Variants in CPNE5 observed in about 807,000 individuals in gnomAD.
The protein encoded by CPNE5 is copine-5.
CPNE5 carries 42 observed loss-of-function variants against 81.1 expected under a neutral mutation model. The observed-to-expected ratio is 0.52, with a 90% CI of 0.40 to 0.67. CPNE5 has a LOEUF of 0.67. Among genes scored for constraint, CPNE5 ranks in the 30% least tolerant of loss-of-function variants. The pLI is 0.00. For missense variants in CPNE5, 612 were observed against 815.5 expected, an observed-to-expected ratio of 0.75 and a Z score of 3.04; for synonymous variants, 313 against 321.5, an observed-to-expected ratio of 0.97 and a Z score of 0.28.
At chr6:36,837,856 A>G (rs1773658666) in intron 1 of CPNE5, among the ~76,000 whole-genome samples, 1 of 152,076 alleles carries the variant, frequency 6.6e-6, no homozygotes, top group Non-Finnish European at 1.5e-5. Flanking sequence ...ATGTGCGTGC[A>G]GGAGAAGGGT....
In CPNE5 at chr6:36,745,047, C is replaced by T. The variant is rs754004868; in HGVS notation, c.1431+1G>A. 6.2e-7 allele frequency: 1 copy of T among 1,610,694 alleles called. No individual in the cohort carries two copies. Among genetic ancestry groups the T allele is most frequent in the South Asian group, 1.1e-5 (1 of 91,016 alleles). On this transcript the variant is annotated splice_donor_variant, in intron 18 of 20. Coordinates refer to ENST00000244751, the MANE Select transcript of CPNE5 (RefSeq NM_020939.2). LOFTEE classifies it high-confidence loss of function. Reference sequence around the variant, plus strand: ...TCCCCCACCGCACACTCCTTGCTTACGTTGACAATGGCCTCCTTGGTCTGC... The same window carrying T: ...TCCCCCACCGCACACTCCTTGCTTATGTTGACAATGGCCTCCTTGGTCTGC...
chr6:36,814,113 G>A (rs908580753), intron 3 of CPNE5, among the ~76,000 whole-genome samples: 11 of 152,178 alleles, frequency 7.2e-5, no homozygotes, highest in Non-Finnish European at 1.5e-4. Context: ...GCATTTGACT[G>A]TTATTCATGA....
intron 9 of CPNE5, among the ~76,000 whole-genome samples, chr6:36,777,036 T>G (rs1767570543): frequency 6.6e-6 from 1 of 152,200 alleles, no homozygotes. Flanking sequence ...AGTGTCTCCT[T>G]GCCCCCGGAA....
chr6:36,785,786 G>C (rs562412554), intron 8 of CPNE5, among the ~76,000 whole-genome samples: 1 of 152,220 alleles, frequency 6.6e-6, no homozygotes, highest in South Asian at 2.1e-4. Context: ...GCCAAGGTGG[G>C]CAGATCACTT....
chr6:36,759,977 C>T (rs375506703), intron 12 of CPNE5, among the ~76,000 whole-genome samples: 26 of 149,180 alleles, frequency 1.7e-4, no homozygotes, highest in South Asian at 1.1e-3. Context: ...AAGGCCGAGG[C>T]GGGTGCATCA....
chr6:36,754,492 G>A (rs936334881), intron 13 of CPNE5: 31 of 152,236 alleles, frequency 2.0e-4, no homozygotes, highest in Non-Finnish European at 3.7e-4. Context: ...CCATAAGTAA[G>A]GGATGAAAAG....
intron 9 of CPNE5, among the ~76,000 whole-genome samples, chr6:36,778,223 C>A (rs1222292037): frequency 6.6e-6 from 1 of 152,218 alleles, no homozygotes; most frequent in Non-Finnish European, 1.5e-5. Context: ...GAATCTGTCT[C>A]CCTGCATATA....
rs189085946 is a variant in CPNE5 at position 36,812,059 on chromosome 6, G to T, written c.183+10055C>A. Among the ~76,000 whole-genome samples, 24 of 152,316 alleles carry T rather than the reference G, an allele frequency of 1.6e-4. No homozygotes were observed. In the East Asian group the frequency reaches 4.1e-3, roughly 26 times the overall value. Reference sequence around the variant, plus strand: ...GTGGAGGTTGCAGTGAGCCGAGATTGTGTCACCACACTCCAGCCTGGGCGA... The same window carrying T: ...GTGGAGGTTGCAGTGAGCCGAGATTTTGTCACCACACTCCAGCCTGGGCGA... On this transcript the variant is annotated intron_variant, in intron 3 of 20. Transcript: ENST00000244751.
rs754534303 is a variant in CPNE5, at chr6:36,775,005, A to C, written c.693T>G (p.Thr231=). ...AGAGGGCTCTCACGGGAATGGAGAA[A>C]GTTTGCCAGACTGGATTTAGGGTGT... is the stretch of plus-strand genomic sequence containing the variant. The part of the protein sequence containing the change: ...MKNTLNPVWQ[T]FSIPVRALCN... The change falls in exon 10 of 21, where the codon ACT becomes ACG. Residue 231 remains threonine, a synonymous_variant. Coordinates refer to ENST00000244751, the MANE Select transcript of CPNE5 (RefSeq NM_020939.2). 6 of 1,614,206 alleles carry C rather than the reference A, an allele frequency of 3.7e-6. No homozygotes were observed. Among genetic ancestry groups the C allele is most frequent in the Non-Finnish European group, 5.1e-6 (6 of 1,180,024 alleles).
chr6:36,776,890 C>T (rs1302512381), intron 9 of CPNE5, among the ~76,000 whole-genome samples: 8 of 152,296 alleles, frequency 5.3e-5, no homozygotes, highest in East Asian at 1.9e-4. Context: ...ACTCCTTTCC[C>T]GGCAAACCCT....
chr6:36,773,937 A>G (rs1767268793), intron 10 of CPNE5, among the ~76,000 whole-genome samples: 1 of 151,686 alleles, frequency 6.6e-6, no homozygotes, highest in Admixed American at 6.6e-5. Flanking sequence ...GTGGTGGTGC[A>G]TGGTTGTGGT....
In CPNE5 at chr6:36,744,261, G is replaced by A. The variant is rs1461478081; in HGVS notation, c.1489+7C>T. On this transcript the variant is annotated splice_region_variant and intron_variant, in intron 19 of 20. Transcript: ENST00000244751. The stretch of plus-strand genomic sequence containing the variant: ...GGAAAGGAGGGGAAGGCAGCAGCTG[G>A]ACTCACCGTCGAACTCTGCCTGGCC... 2 of 1,574,432 alleles carry A rather than the reference G, an allele frequency of 1.3e-6. No individual in the cohort carries two copies. Among genetic ancestry groups the A allele is most frequent in the South Asian group, 2.3e-5 (2 of 85,500 alleles).
intron 9 of CPNE5, among the ~76,000 whole-genome samples, chr6:36,775,622 C>T (rs1414963402): frequency 1.3e-5 from 2 of 152,208 alleles, no homozygotes; most frequent in African/African-American, 4.8e-5. Flanking sequence ...GCCATCTCCA[C>T]GAAACCTCCC....
intron 8 of CPNE5, among the ~76,000 whole-genome samples, chr6:36,784,890 G>A (rs1341164383): frequency 1.3e-5 from 2 of 149,504 alleles, no homozygotes; most frequent in Non-Finnish European, 1.5e-5. Context: ...AGTGAGCCAT[G>A]ATCATGCCAC....
intron 12 of CPNE5, among the ~76,000 whole-genome samples, chr6:36,760,018 G>A (rs1383656889): frequency 1.3e-5 from 2 of 150,304 alleles, no homozygotes; most frequent in Non-Finnish European, 3.0e-5. Context: ...GCCAGACTGG[G>A]CAACATGGCA....
chr6:36,788,535 G>A (rs1212584627), intron 8 of CPNE5, among the ~76,000 whole-genome samples: 1 of 152,076 alleles, frequency 6.6e-6, no homozygotes, highest in Non-Finnish European at 1.5e-5. Flanking sequence ...CCGTAAAACA[G>A]GGTTACTCAC....
At chr6:36,823,960 C>T (rs930521920) in intron 1 of CPNE5, among the ~76,000 whole-genome samples, 2 of 152,142 alleles carry the variant, frequency 1.3e-5, no homozygotes, top group African/African-American at 4.8e-5. Context: ...CGTTTCACAG[C>T]GACCTGCTGC....
chr6:36,818,025 C>T (rs1159672204), intron 3 of CPNE5, among the ~76,000 whole-genome samples: 2 of 152,124 alleles, frequency 1.3e-5, no homozygotes, highest in Non-Finnish European at 2.9e-5. Flanking sequence ...TGTCTTCGCA[C>T]GTCACTGAAA....
chr6:36,815,834 T>G (rs112583432), intron 3 of CPNE5, among the ~76,000 whole-genome samples: 5 of 152,248 alleles, frequency 3.3e-5, no homozygotes, highest in African/African-American at 1.2e-4. Flanking sequence ...GACATGTGGG[T>G]GTGGTGGCTG....
Sources: gnomAD v4.1 joint callset for allele counts (sites outside exome capture counted in the v4.1 genomes callset) on GRCh38, gnomAD v4.1.1 for gene constraint, MANE v1.5 for transcripts, NCBI Gene and HGNC (gene_info 2026-07-23, HGNC 2026-07-21) for gene names.